COL18A1: variants seen among roughly 807,000 people sequenced by gnomAD.
COL18A1 encodes collagen type XVIII alpha 1 chain.
COL18A1 carries 133 observed loss-of-function variants against 168.0 expected under a neutral mutation model. That is an observed-to-expected ratio of 0.79 (90% CI 0.69 to 0.91). COL18A1 has a LOEUF of 0.91. COL18A1 is among the 40% of genes least tolerant of loss of function. The pLI is 0.00. For synonymous variants in COL18A1, 949 were observed against 809.0 expected, an observed-to-expected ratio of 1.17 and a Z score of -2.94; for missense variants, 2,126 against 1,925.4, an observed-to-expected ratio of 1.10 and a Z score of -1.95.
At chr21:45,478,071 G>T (rs980156976) in intron 8 of COL18A1, 106 bp downstream of exon 8, 7 of 762,580 alleles carry the variant, frequency 9.2e-6, no homozygotes, top group African/African-American at 8.6e-5. Context: ...GCTGGGATCG[G>T]GGCAGGTCAG....
In COL18A1 at chr21:45,490,278, G is replaced by A. The variant is rs951144409; in HGVS notation, c.1963G>A (p.Glu655Lys). The A allele has an allele frequency of 1.9e-6, 3 of 1,583,102 alleles. No homozygotes were observed. The highest frequency in any genetic ancestry group is 2.6e-6 in the Non-Finnish European group (3 of 1,165,454). Residue 655 changes from glutamate (E) to lysine (K), a missense_variant, in exon 20 of 42, where the codon GAA becomes AAA. By Grantham distance (56) the Glu-to-Lys change is moderately conservative. Coordinates refer to ENST00000651438, the MANE Select transcript of COL18A1 (RefSeq NM_001379500.1). ...GVPGLPGAKGEVGADGVPGFP... is the reference protein window; with the variant it reads ...GVPGLPGAKGKVGADGVPGFP... ...GTCCTCCATGTGACCCTTTCAGGGA[G>A]AAGTTGGAGCAGATGGAGTCCCCGG...
At chr21:45,456,401 C>T in intron 2 of COL18A1, 1 of 1,546,338 alleles carries the variant, frequency 6.5e-7, no homozygotes. Context: ...CGCACTGTCT[C>T]AGGTCGCAGT....
rs563096347 is a variant in COL18A1, at chr21:45,468,610, G to A, written c.475G>A (p.Val159Ile). Reference protein sequence around the residue: ...TAASFRLPAFVGQWTHLALSV... With the variant: ...TAASFRLPAFIGQWTHLALSV... ...CGCCAGCTTCCGGCTCCCCGCCTTC[G>A]TCGGCCAGTGGACACACTTAGCCCT... is the stretch of plus-strand genomic sequence containing the variant. The change falls in exon 3 of 42, where the codon GTC becomes ATC. Residue 159 changes from valine to isoleucine, a missense_variant. Val to Ile is a conservative substitution (Grantham distance 29). Transcript: ENST00000651438. 1.7e-5 allele frequency: 28 copies of A among 1,613,884 alleles called. No homozygotes were observed. Among genetic ancestry groups the A allele is most frequent in the African/African-American group, 4.0e-5 (3 of 75,086 alleles).
intron 4 of COL18A1, among the ~76,000 whole-genome samples, chr21:45,474,393 G>GTC (rs1436995552): frequency 5.3e-5 from 8 of 149,582 alleles, no homozygotes; most frequent in African/African-American, 1.7e-4. Context: ...TGTGTTGTAT[G>GTC]TGTGTCTCTG....
chr21:45,408,653 C>G (rs990766138), intron 2 of COL18A1: 1 of 152,314 alleles, frequency 6.6e-6, no homozygotes, highest in Admixed American at 6.5e-5. Flanking sequence ...CCCTCCCCAG[C>G]CCCCGCTGAT....
In COL18A1 at chr21:45,475,464, C is replaced by G. The variant is rs368582439; in HGVS notation, c.739-12C>G. 2 of 1,593,452 alleles carry G rather than the reference C, an allele frequency of 1.3e-6. No individual in the cohort carries two copies. Among genetic ancestry groups the G allele is most frequent in the Non-Finnish European group, 1.7e-6 (2 of 1,171,472 alleles). On this transcript the variant is annotated splice_polypyrimidine_tract_variant and intron_variant, in intron 4 of 41. Transcript: ENST00000651438. ...GCCATCTCTCCAGCCTTTCCCTTTTCAAACTCCTCAGGCATCCGGAGACTC... is the reference window on the plus strand; with the variant it reads ...GCCATCTCTCCAGCCTTTCCCTTTTGAAACTCCTCAGGCATCCGGAGACTC...
At chr21:45,449,792 T>A (rs946363824) in intron 2 of COL18A1, among the ~76,000 whole-genome samples, 12 of 152,184 alleles carry the variant, frequency 7.9e-5, no homozygotes, top group African/African-American at 2.9e-4. Flanking sequence ...CGGCAGCTGG[T>A]CATGCCGCTG....
Position 45,498,338 on chromosome 21 carries a change from CCT to C in COL18A1, c.2683+681_2683+682del, listed in dbSNP as rs747328886. 6.4e-6 allele frequency: 4 copies of C among 629,426 alleles called. No homozygotes were observed. Among genetic ancestry groups the C allele is most frequent in the South Asian group, 5.4e-5 (3 of 55,284 alleles). 39.0% of individuals were successfully genotyped at this position (629,426 alleles called of 1,614,324 possible). ...CGGTCCCCTCTCGCCGCCAGGGTCC[CCT>C]CTCACCGCCAGGGTTCCCTCTCGCC... On this transcript the variant is annotated intron_variant, in intron 32 of 41. Transcript: ENST00000651438. The surrounding 1 kb of genome is among the most constrained non-coding windows in gnomAD (Gnocchi z 4.5).
At chr21:45,502,243 T>C (rs78392673) in intron 32 of COL18A1, among the ~76,000 whole-genome samples, 3 of 152,210 alleles carry the variant, frequency 2.0e-5, no homozygotes, top group East Asian at 1.9e-4. Context: ...CCAAAGCTTC[T>C]GGGTTACAGG....
In COL18A1 at chr21:45,473,914, A is replaced by C. The variant is rs200168928; in HGVS notation, c.671A>C (p.Lys224Thr). 1.2e-6 allele frequency: 2 copies of C among 1,604,476 alleles called. No homozygotes were observed. Among genetic ancestry groups the C allele is most frequent in the Non-Finnish European group, 1.7e-6 (2 of 1,175,782 alleles). The change falls in exon 4 of 42, where the codon AAG becomes ACG. Residue 224 changes from lysine to threonine, a missense_variant. Lys to Thr is a moderately conservative substitution (Grantham distance 78). Coordinates refer to ENST00000651438, the MANE Select transcript of COL18A1 (RefSeq NM_001379500.1). This position sits in a 1 kb window ranked among gnomAD's most constrained non-coding sequence, Gnocchi z 4.0. ...DKFQGVIAEL[K>T]VRRDPQVSPM... Reference sequence around the variant, plus strand: ...ATTTAGGGGGTGATCGCTGAGCTGAAGGTGCGCAGGGACCCCCAGGTGAGC... The same window carrying C: ...ATTTAGGGGGTGATCGCTGAGCTGACGGTGCGCAGGGACCCCCAGGTGAGC...
chr21:45,504,729 T>G (rs1225840886), intron 34 of COL18A1, among the ~76,000 whole-genome samples, 173 bp downstream of exon 34: 6 of 151,990 alleles, frequency 3.9e-5, no homozygotes, highest in Non-Finnish European at 7.4e-5. Context: ...CACATGGGTG[T>G]GGGTGCACTG....
At chr21:45,452,627 C>T (rs1331724631) in intron 2 of COL18A1, among the ~76,000 whole-genome samples, 2 of 149,060 alleles carry the variant, frequency 1.3e-5, no homozygotes, top group African/African-American at 5.0e-5. Context: ...TTGTATCTGA[C>T]ATGTAAGCAT....
At chr21:45,497,735 C>T (rs574304467) in intron 32 of COL18A1, 74 bp downstream of exon 32, 73 of 1,540,802 alleles carry the variant, frequency 4.7e-5, no homozygotes, top group Admixed American at 4.5e-4. Flanking sequence ...CACCTAGAGC[C>T]GCCACCACAA....
At chr21:45,456,750 C>T (rs1281247002) in intron 2 of COL18A1, 28 of 1,539,288 alleles carry the variant, frequency 1.8e-5, no homozygotes, top group Non-Finnish European at 2.3e-5. Context: ...GCCCCGCCAC[C>T]CTGCTGCCAG....
At chr21:45,461,620 C>T (rs2035053061) in intron 2 of COL18A1, among the ~76,000 whole-genome samples, 1 of 152,192 alleles carries the variant, frequency 6.6e-6, no homozygotes, top group Non-Finnish European at 1.5e-5. Flanking sequence ...CTAGCCACAT[C>T]TGTGGCACAC....
chr21:45,476,949 GT>G (rs1294670565), intron 6 of COL18A1, among the ~76,000 whole-genome samples: 3 of 151,922 alleles, frequency 2.0e-5, no homozygotes, highest in Non-Finnish European at 2.9e-5. Flanking sequence ...GTGTGTGTGT[GT>G]GGCAGGTGGG....
In COL18A1 at chr21:45,480,444, GTCTC is replaced by G; in HGVS notation, c.1399-20_1399-17del. ...CGGGGGGCCGAGCTCAGGGCAACGT[GTCTC>G]TCCGGCTCTTTTCCTCAGACCTTCA... is the stretch of plus-strand genomic sequence containing the variant. On this transcript the variant is annotated intron_variant, in intron 11 of 41. Transcript: ENST00000651438. 6.2e-7 allele frequency: 1 copy of G among 1,614,128 alleles called. No individual in the cohort carries two copies. The highest frequency in any genetic ancestry group is 8.5e-7 in the Non-Finnish European group (1 of 1,180,026).
Position 45,477,895 on chromosome 21 carries a change from C to G in COL18A1, c.1151C>G (p.Thr384Ser), listed in dbSNP as rs918305461. ...GGTCCTGCAGGCCCAGCGTTGCAAA[C>G]TGTCCCCGGACCACAAGGACCCCCA... ...PLGPAGPALQ[T>S]VPGPQGPPGP... The change falls in exon 8 of 42, where the codon ACT becomes AGT. Residue 384 changes from threonine (T) to serine (S), a missense_variant. Coordinates refer to ENST00000651438, the MANE Select transcript of COL18A1 (RefSeq NM_001379500.1). 2.3e-5 allele frequency: 36 copies of G among 1,564,316 alleles called. No homozygotes were observed. The highest frequency in any genetic ancestry group is 2.9e-5 in the Non-Finnish European group (33 of 1,154,538).
At chr21:45,449,241 C>T (rs963358100) in intron 2 of COL18A1, among the ~76,000 whole-genome samples, 24 of 152,144 alleles carry the variant, frequency 1.6e-4, no homozygotes, top group Admixed American at 2.6e-4. Context: ...GGGCCTGGCT[C>T]ACATGGGCTT....
Sources: gnomAD v4.1 joint callset for allele counts (sites outside exome capture counted in the v4.1 genomes callset) on GRCh38, gnomAD v4.1.1 for gene constraint, Gnocchi (gnomAD v3.1) non-coding constraint, MANE v1.5 for transcripts, NCBI Gene and HGNC (gene_info 2026-07-23, HGNC 2026-07-21) for gene names.